The following DCHS2 variants were observed in gnomAD, a reference collection of about 807,000 sequenced individuals.
DCHS2 encodes the protein protocadherin-23.
A neutral mutation model predicts 182.4 loss-of-function variants in DCHS2; 142 were observed. The ratio of observed to expected loss-of-function variants is 0.78; its 90% CI spans 0.68 to 0.89. The LOEUF is 0.89. DCHS2 is among the 40% of genes least tolerant of loss of function. The probability of loss-of-function intolerance (pLI) is 0.00; values close to 1 mark genes in which losing one functional copy is unlikely to be tolerated. For synonymous variants in DCHS2, 1,740 were observed against 1,663.3 expected (o/e 1.05, Z -1.12); for missense variants, 4,319 against 4,198.6 (o/e 1.03, Z -0.79).
Position 154,298,246 on chromosome 4 carries a change from A to G in DCHS2, c.6068T>C (p.Ile2023Thr). 6.2e-7 allele frequency: 1 copy of G among 1,614,144 alleles called. No homozygotes were observed. Among genetic ancestry groups the G allele is most frequent in the Non-Finnish European group, 8.5e-7 (1 of 1,180,022 alleles). Residue 2023 changes from isoleucine (I) to threonine (T), a missense_variant, in exon 13 of 20, where the codon ATT becomes ACT. Ile to Thr is a moderately conservative substitution (Grantham distance 89). Coordinates refer to ENST00000357232, the MANE Select transcript of DCHS2 (RefSeq NM_001358235.2). ...SIQGSRSTTVIIKVYVTDVND... is the reference protein window; with the variant it reads ...SIQGSRSTTVTIKVYVTDVND... ...AACATCAGTGACATATACTTTTATA[A>G]TTACAGTGGTGCTTCGTGAACCCTG...
intron 16 of DCHS2, among the ~76,000 whole-genome samples, chr4:154,253,640 A>T (rs761914580): frequency 6.6e-6 from 1 of 152,212 alleles, no homozygotes; most frequent in African/African-American, 2.4e-5. Context: ...AACAATAAGT[A>T]CCAATAGCTA....
chr4:154,361,551 T>G (rs1433215993), intron 3 of DCHS2, among the ~76,000 whole-genome samples: 1 of 152,110 alleles, frequency 6.6e-6, no homozygotes, highest in Non-Finnish European at 1.5e-5. Flanking sequence ...CTCAAAACAG[T>G]GTGGTCTGCC....
At chr4:154,468,304 G>C (rs1020977173) in intron 1 of DCHS2, among the ~76,000 whole-genome samples, 3 of 152,016 alleles carry the variant, frequency 2.0e-5, no homozygotes, top group African/African-American at 7.2e-5. Flanking sequence ...CTGAATGCAT[G>C]TTACAATCAT....
At chr4:154,485,331 G>C (rs930439576) in intron 1 of DCHS2, among the ~76,000 whole-genome samples, 1 of 152,186 alleles carries the variant, frequency 6.6e-6, no homozygotes, top group African/African-American at 2.4e-5. Context: ...AGTCCAAAAT[G>C]CTTCAGAGAG....
At chr4:154,302,530 T>C (rs1245187024) in intron 12 of DCHS2, among the ~76,000 whole-genome samples, 1 of 152,206 alleles carries the variant, frequency 6.6e-6, no homozygotes, top group African/African-American at 2.4e-5. Flanking sequence ...GTGGCTCCTC[T>C]ATCACCTTTG....
chr4:154,357,080 G>A (rs1729904950), intron 3 of DCHS2: 1 of 603,996 alleles, frequency 1.7e-6, no homozygotes, highest in African/African-American at 1.8e-5. Flanking sequence ...TTCTTGACAA[G>A]CGCTAGTAAA....
intron 1 of DCHS2, among the ~76,000 whole-genome samples, chr4:154,474,970 T>C (rs911596625): frequency 4.6e-5 from 7 of 152,162 alleles, no homozygotes; most frequent in Non-Finnish European, 8.8e-5. Context: ...TTTTTTAGCT[T>C]TTCCTAAGTT....
At chr4:154,377,150 A>G in intron 2 of DCHS2, 103 bp downstream of exon 2, 1 of 1,161,040 alleles carries the variant, frequency 8.6e-7, no homozygotes, top group South Asian at 1.7e-5. Flanking sequence ...TGACACATGA[A>G]ACAGAATGAC....
chr4:154,458,539 C>G (rs564729367), intron 1 of DCHS2, among the ~76,000 whole-genome samples: 10 of 152,148 alleles, frequency 6.6e-5, no homozygotes, highest in Admixed American at 6.5e-4. Flanking sequence ...GATTGTCTGG[C>G]CAAGTCAGGA....
At chr4:154,283,950 T>C (rs745562753) in intron 13 of DCHS2, among the ~76,000 whole-genome samples, 1 of 152,192 alleles carries the variant, frequency 6.6e-6, no homozygotes, top group African/African-American at 2.4e-5. Flanking sequence ...AGAGCCTGCA[T>C]GTGTTCAGAA....
At chr4:154,315,693 T>C in intron 10 of DCHS2, 55 bp downstream of exon 10, 10 of 1,579,276 alleles carry the variant, frequency 6.3e-6, no homozygotes, top group Non-Finnish European at 8.6e-6. Flanking sequence ...ACGTCAATTA[T>C]AATCTTCAAT....
intron 2 of DCHS2, among the ~76,000 whole-genome samples, chr4:154,372,608 C>A (rs1730694128): frequency 6.6e-6 from 1 of 152,024 alleles, no homozygotes; most frequent in Admixed American, 6.6e-5. Flanking sequence ...CAAAAAAAAT[C>A]TATTTGGTAA....
At chr4:154,297,749 T>C in intron 13 of DCHS2, 102 bp downstream of exon 13, 2 of 1,501,520 alleles carry the variant, frequency 1.3e-6, no homozygotes, top group Non-Finnish European at 1.8e-6. Context: ...AACTAAAAAA[T>C]GTATAACTGA....
chr4:154,471,110 G>T (rs941787294), intron 1 of DCHS2, among the ~76,000 whole-genome samples: 3 of 152,142 alleles, frequency 2.0e-5, no homozygotes, highest in Non-Finnish European at 4.4e-5. Context: ...TTATTTCTTT[G>T]TGTGCTGGCT....
At chr4:154,281,796 C>G (rs890802155) in intron 13 of DCHS2, among the ~76,000 whole-genome samples, 2 of 152,062 alleles carry the variant, frequency 1.3e-5, no homozygotes, top group African/African-American at 4.8e-5. Context: ...AAAGCTACAC[C>G]AATCAAAATG....
chr4:154,456,323 G>T (rs1055556664), intron 1 of DCHS2, among the ~76,000 whole-genome samples: 3 of 152,142 alleles, frequency 2.0e-5, no homozygotes, highest in Non-Finnish European at 2.9e-5. Context: ...AGCATTTATT[G>T]AGCCTCTTTT....
chr4:154,323,906 G>A (rs910940579), intron 7 of DCHS2, among the ~76,000 whole-genome samples: 1 of 151,412 alleles, frequency 6.6e-6, no homozygotes, highest in African/African-American at 2.4e-5. Flanking sequence ...AAACACTTCT[G>A]GTCCCAAGCA....
At chr4:154,366,951 C>T (rs6837721) in intron 2 of DCHS2, among the ~76,000 whole-genome samples, 2,835 of 152,256 alleles carry the variant, frequency 0.019, 85 homozygotes, top group African/African-American at 0.062. Flanking sequence ...GGGGGGTGCC[C>T]TGGTGAAGCC....
At position 154,297,933 on chromosome 4, in the gene DCHS2, GAC is replaced by G. The variant is rs1480699360; in HGVS notation, c.6379_6380del (p.Val2127HisfsTer18). 1.9e-5 allele frequency: 31 copies of G among 1,613,962 alleles called. No individual in the cohort carries two copies. The highest frequency in any genetic ancestry group is 2.2e-5 in the Non-Finnish European group (26 of 1,180,006). Reference protein sequence around the residue: ...IPARTTTGLLVIHMEGEDVKI... With the variant: ...IPARTTTGLLXIHMEGEDVKI... ...TTACATCTTCTCCTTCCATGTGAATGACCAAGAGACCCGTGGTTGTCCTGGCT... is the reference window on the plus strand; with the variant it reads ...TTACATCTTCTCCTTCCATGTGAATGCAAGAGACCCGTGGTTGTCCTGGCT... On this transcript the variant is annotated frameshift_variant, in exon 13 of 20. Coordinates refer to ENST00000357232, the MANE Select transcript of DCHS2 (RefSeq NM_001358235.2). LOFTEE classifies it high-confidence loss of function.
Sources: allele counts gnomAD v4.1 joint callset (sites outside exome capture counted in the v4.1 genomes callset), GRCh38; gene constraint gnomAD v4.1.1; transcripts MANE v1.5; gene names NCBI Gene and HGNC (gene_info 2026-07-23, HGNC 2026-07-21).